The following WWOX variants were observed in gnomAD, a reference collection of about 807,000 sequenced individuals.
WWOX encodes WW domain-containing oxidoreductase.
In WWOX, 69 loss-of-function variants were observed where a neutral mutation model predicts 46.2. That is an observed-to-expected ratio of 1.49 (90% CI 1.23 to 1.82). WWOX has a LOEUF of 1.82. Among genes scored for constraint, WWOX ranks in the 40% most tolerant of loss-of-function variants. The pLI is 0.00. For synonymous variants in WWOX, 359 were observed against 202.6 expected (o/e 1.77, Z -6.56); for missense variants, 919 against 542.6 (o/e 1.69, Z -6.89).
At chr16:78,510,013 G>T (rs754802446) in intron 8 of WWOX, among the ~76,000 whole-genome samples, 23 of 151,938 alleles carry the variant, frequency 1.5e-4, no homozygotes, top group Non-Finnish European at 2.6e-4. Flanking sequence ...AGCGAGCCAT[G>T]ATTGTGCCAC....
intron 8 of WWOX, among the ~76,000 whole-genome samples, chr16:78,683,501 C>T (rs1021998572): frequency 2.8e-4 from 42 of 151,456 alleles, no homozygotes; most frequent in African/African-American, 9.7e-4. Context: ...GGTTGTGCCA[C>T]TGCACTCCAG....
At chr16:78,266,678 C>T (rs1474141209) in intron 5 of WWOX, among the ~76,000 whole-genome samples, 1 of 152,136 alleles carries the variant, frequency 6.6e-6, no homozygotes, top group Non-Finnish European at 1.5e-5. Flanking sequence ...AATGAGTATC[C>T]ACTACCTTGG....
At chr16:79,070,294 G>A (rs1395605162) in intron 8 of WWOX, among the ~76,000 whole-genome samples, 1 of 151,916 alleles carries the variant, frequency 6.6e-6, no homozygotes, top group Non-Finnish European at 1.5e-5. Context: ...GTGTGTGTGT[G>A]TGTGTGTGTG....
At chr16:79,133,763 G>C (rs1293532220) in intron 8 of WWOX, among the ~76,000 whole-genome samples, 1 of 152,174 alleles carries the variant, frequency 6.6e-6, no homozygotes. Context: ...CTGGTCAAAC[G>C]TATTACTTAA....
intron 8 of WWOX, among the ~76,000 whole-genome samples, chr16:78,939,305 T>G (rs2045805217): frequency 6.6e-6 from 1 of 152,198 alleles, no homozygotes; most frequent in African/African-American, 2.4e-5. Flanking sequence ...CTGGATGGTG[T>G]GTTTGCCATC....
At chr16:78,249,848 G>C (rs2037932909) in intron 5 of WWOX, among the ~76,000 whole-genome samples, 1 of 151,824 alleles carries the variant, frequency 6.6e-6, no homozygotes, top group Admixed American at 6.6e-5. Flanking sequence ...GGGGCTGGGG[G>C]CTGGGGGCCT....
chr16:78,219,893 C>T (rs1195482166), intron 5 of WWOX, among the ~76,000 whole-genome samples: 1 of 152,064 alleles, frequency 6.6e-6, no homozygotes, highest in African/African-American at 2.4e-5. Context: ...TGCGATTGTA[C>T]TGAAACTTAC....
At chr16:78,975,583 C>T (rs551649775) in intron 8 of WWOX, among the ~76,000 whole-genome samples, 2 of 152,050 alleles carry the variant, frequency 1.3e-5, no homozygotes, top group Admixed American at 6.5e-5. Flanking sequence ...GTACCATATA[C>T]ACATGGTATA....
At chr16:78,148,271 A>T in intron 4 of WWOX, among the ~76,000 whole-genome samples, 1 of 152,190 alleles carries the variant, frequency 6.6e-6, no homozygotes, top group East Asian at 1.9e-4. Flanking sequence ...ACAGAATTAT[A>T]CGAAGTGAGA....
intron 8 of WWOX, among the ~76,000 whole-genome samples, chr16:78,604,476 A>G (rs972803446): frequency 1.3e-5 from 2 of 152,154 alleles, no homozygotes; most frequent in Non-Finnish European, 2.9e-5. Context: ...GTTAAATCCC[A>G]GAGGTCCGTC....
At chr16:78,846,176 G>A (rs1030499063) in intron 8 of WWOX, among the ~76,000 whole-genome samples, 2 of 152,250 alleles carry the variant, frequency 1.3e-5, no homozygotes, top group South Asian at 4.1e-4. Context: ...TTACAGAAAA[G>A]CCATAAAAAA....
intron 8 of WWOX, among the ~76,000 whole-genome samples, chr16:79,183,856 C>G (rs1005392239): frequency 6.6e-6 from 1 of 152,180 alleles, no homozygotes; most frequent in African/African-American, 2.4e-5. Flanking sequence ...CTGCATCACA[C>G]TAACACTGTC....
intron 8 of WWOX, among the ~76,000 whole-genome samples, chr16:78,547,642 C>T (rs1597247552): frequency 6.6e-6 from 1 of 152,214 alleles, no homozygotes; most frequent in East Asian, 1.9e-4. Context: ...CTGGGAAGTC[C>T]AAGATCAAGC....
chr16:78,137,942 C>T (rs1405228792), intron 4 of WWOX, among the ~76,000 whole-genome samples: 2 of 150,704 alleles, frequency 1.3e-5, no homozygotes, highest in Non-Finnish European at 3.0e-5. Context: ...TCACAAACAG[C>T]ACAAGAGGAA....
intron 8 of WWOX, among the ~76,000 whole-genome samples, chr16:79,181,316 C>G (rs74036976): frequency 0.052 from 7,880 of 152,248 alleles, 696 homozygotes; most frequent in African/African-American, 0.18. Flanking sequence ...TGGAGTAGCC[C>G]TAATTAAATC....
intron 5 of WWOX, among the ~76,000 whole-genome samples, chr16:78,283,838 T>G (rs1236019740): frequency 6.6e-6 from 1 of 152,230 alleles, no homozygotes; most frequent in Non-Finnish European, 1.5e-5. Context: ...AAGCTTCACT[T>G]TATTGGATAT....
chr16:78,864,601 T>G (rs1449906949), intron 8 of WWOX, among the ~76,000 whole-genome samples: 1 of 151,920 alleles, frequency 6.6e-6, no homozygotes, highest in Non-Finnish European at 1.5e-5. Flanking sequence ...GGGCTGCACA[T>G]AACCTCCATG....
intron 8 of WWOX, among the ~76,000 whole-genome samples, chr16:79,088,810 C>G (rs1156343116): frequency 1.3e-5 from 2 of 152,170 alleles, no homozygotes; most frequent in Admixed American, 1.3e-4. Flanking sequence ...AATTCATCGT[C>G]CACCCAACGG....
intron 5 of WWOX, among the ~76,000 whole-genome samples, chr16:78,188,474 C>G (rs1296887991): frequency 1.5e-5 from 2 of 132,716 alleles, no homozygotes; most frequent in African/African-American, 6.0e-5. Flanking sequence ...GGTGACAGAG[C>G]GAGACTCTGT....
Sources: allele counts gnomAD v4.1 joint callset (sites outside exome capture counted in the v4.1 genomes callset), GRCh38; gene constraint gnomAD v4.1.1; transcripts MANE v1.5; gene names NCBI Gene and HGNC (gene_info 2026-07-23, HGNC 2026-07-21).